FREM3: variants seen among roughly 807,000 people sequenced by gnomAD.
FREM3 encodes FRAS1 related extracellular matrix 3.
FREM3 carries 105 observed loss-of-function variants against 129.1 expected under a neutral mutation model. The observed-to-expected ratio is 0.81, with a 90% CI of 0.69 to 0.96. The LOEUF is 0.96. FREM3 is among the 40% of genes least tolerant of loss of function. The pLI is 0.00. For missense variants in FREM3, 2,593 were observed against 2,666.3 expected, an observed-to-expected ratio of 0.97 and a Z score of 0.61; for synonymous variants, 1,014 against 1,044.9, an observed-to-expected ratio of 0.97 and a Z score of 0.57.
At chr4:143,640,127 G>T (rs562454528) in intron 2 of FREM3, among the ~76,000 whole-genome samples, 37 of 152,242 alleles carry the variant, frequency 2.4e-4, no homozygotes, top group Admixed American at 8.5e-4. Flanking sequence ...GTTTGTCTCT[G>T]CTACCCTTGC....
chr4:143,655,186 T>C (rs553737563), intron 2 of FREM3, among the ~76,000 whole-genome samples: 3 of 152,214 alleles, frequency 2.0e-5, no homozygotes, highest in Admixed American at 2.0e-4. Context: ...CCTTAGGACT[T>C]TTTTCCCTAG....
At chr4:143,590,955 GT>G (rs1319837402) in intron 6 of FREM3, among the ~76,000 whole-genome samples, 11 of 152,100 alleles carry the variant, frequency 7.2e-5, no homozygotes. Flanking sequence ...CTTCTTCCTG[GT>G]TTAGTCTTGG....
rs767334803 is a variant in FREM3, at chr4:143,695,564, C to T, written c.5112G>A (p.Val1704=). 6 of 1,537,338 alleles carry T rather than the reference C, an allele frequency of 3.9e-6. No homozygotes were observed. The highest frequency in any genetic ancestry group is 5.2e-6 in the Non-Finnish European group (6 of 1,146,936). Residue 1704 remains valine (V), a synonymous_variant, in exon 1 of 8, where the codon GTG becomes GTA. Transcript: ENST00000329798. The stretch of plus-strand genomic sequence containing the variant: ...TGAAGCCATGCTCTGGTCCTCTGGT[C>T]ACTTTATACTTCAGAAGCCTGTGGG... ...DSPHRLLKYK[V]TRGPEHGFII...
chr4:143,595,885 C>T (rs1738471051), intron 6 of FREM3, among the ~76,000 whole-genome samples: 1 of 50,892 alleles, frequency 2.0e-5, no homozygotes, highest in Admixed American at 2.0e-4. Context: ...GAGACGCCAT[C>T]TCAGAAAAAA....
At chr4:143,690,025 A>C (rs2149861963) in intron 2 of FREM3, among the ~76,000 whole-genome samples, 1 of 152,058 alleles carries the variant, frequency 6.6e-6, no homozygotes, top group Non-Finnish European at 1.5e-5. Context: ...ATTAAAAAAA[A>C]AAAAAAAAAA....
chr4:143,627,593 A>G (rs1739063273), intron 3 of FREM3, 21 bp downstream of exon 3: 1 of 1,529,644 alleles, frequency 6.5e-7, no homozygotes, highest in Non-Finnish European at 8.8e-7. Flanking sequence ...TTTTACCAAC[A>G]ACCAATCCAA....
chr4:143,596,297 C>A (rs1738483080), intron 6 of FREM3, among the ~76,000 whole-genome samples: 1 of 152,100 alleles, frequency 6.6e-6, no homozygotes, highest in Non-Finnish European at 1.5e-5. Flanking sequence ...ATTAGTGCAA[C>A]CCATTAGAAA....
intron 5 of FREM3, among the ~76,000 whole-genome samples, chr4:143,613,150 A>C (rs1487624329): frequency 6.6e-6 from 1 of 152,256 alleles, no homozygotes; most frequent in African/African-American, 2.4e-5. Context: ...TGAAAGAACA[A>C]AAATTTTAGA....
chr4:143,695,788 T>C lies in FREM3; in HGVS notation c.4888A>G (p.Thr1630Ala). Residue 1630 changes from threonine to alanine, a missense_variant, in exon 1 of 8, where the codon ACT becomes GCT. Physicochemically the swap from Thr to Ala is moderately conservative, Grantham distance 58. Transcript: ENST00000329798. ...FSLTVTDGTH[T>A]DFYVLPDTAL... ...GTGTCTGGTAGGACATAGAAATCAG[T>C]GTGAGTGCCGTCTGTCACAGTCAAG... 2 of 1,537,300 alleles carry C rather than the reference T, an allele frequency of 1.3e-6. No homozygotes were observed. The highest frequency in any genetic ancestry group is 1.7e-6 in the Non-Finnish European group (2 of 1,146,922).
Position 143,697,144 on chromosome 4 carries a change from G to A in FREM3, c.3532C>T (p.Pro1178Ser), listed in dbSNP as rs1740587621. 1 of 1,537,748 alleles carries A rather than the reference G, an allele frequency of 6.5e-7. No homozygotes were observed. The highest frequency in any genetic ancestry group is 1.4e-5 in the African/African-American group (1 of 73,020). ...ATGATTATAGGGAAGAAGACATTTG[G>A]GGAGAAGTTGATGCCATCAGAGCAA... is the stretch of plus-strand genomic sequence containing the variant. ...FYCSDGINFS[P>S]NVFFPIIILP... Residue 1178 changes from proline to serine, a missense_variant, in exon 1 of 8, where the codon CCA becomes TCA. Coordinates refer to ENST00000329798, the MANE Select transcript of FREM3 (RefSeq NM_001168235.2).
rs886204292 is a variant in FREM3 at position 143,663,732 on chromosome 4, T to G, written c.5275+29381A>C. 4.6e-5 allele frequency among the ~76,000 whole-genome samples: 7 copies of G among 152,176 alleles called. No individual in the cohort carries two copies. The South Asian group carries it at 1.2e-3, about 27-fold the overall frequency. ...CACTTTCAGGTACACCAATCAGATG[T>G]AGATTTGGTCTTTTCACATAGTCCC... On this transcript the variant is annotated intron_variant, in intron 2 of 7. Coordinates refer to ENST00000329798, the MANE Select transcript of FREM3 (RefSeq NM_001168235.2).
intron 6 of FREM3, among the ~76,000 whole-genome samples, chr4:143,609,713 T>C (rs1738723817): frequency 6.6e-6 from 1 of 152,200 alleles, no homozygotes; most frequent in Admixed American, 6.5e-5. Context: ...TCTTTCAGAG[T>C]GTCCTCATTT....
chr4:143,623,906 A>C (rs1430494929), intron 4 of FREM3, among the ~76,000 whole-genome samples: 2 of 152,178 alleles, frequency 1.3e-5, no homozygotes, highest in Admixed American at 6.5e-5. Flanking sequence ...GATCCTCTCT[A>C]TTTTAATCGT....
intron 2 of FREM3, among the ~76,000 whole-genome samples, chr4:143,647,378 A>G (rs951106307): frequency 1.3e-5 from 2 of 152,248 alleles, no homozygotes; most frequent in African/African-American, 4.8e-5. Context: ...ATAAATTTGC[A>G]TAAGTAATGA....
intron 6 of FREM3, among the ~76,000 whole-genome samples, chr4:143,609,141 CAGAG>C (rs1738714208): frequency 6.6e-6 from 1 of 152,166 alleles, no homozygotes; most frequent in Non-Finnish European, 1.5e-5. Context: ...CAAGGTTACC[CAGAG>C]AGAGTGTGTC....
rs113360367 is a variant in FREM3, at chr4:143,599,729, G to A, written c.6028+11550C>T. 6.2e-3 allele frequency among the ~76,000 whole-genome samples: 938 copies of A among 152,266 alleles called. 14 individuals are homozygous for A. Among genetic ancestry groups the A allele is most frequent in the African/African-American group, 0.022 (902 of 41,550 alleles). On this transcript the variant is annotated intron_variant, in intron 6 of 7. Coordinates refer to ENST00000329798, the MANE Select transcript of FREM3 (RefSeq NM_001168235.2). The stretch of plus-strand genomic sequence containing the variant: ...GAACAAAAGAATGGGGAAATCCAGA[G>A]CAGGAAAAATAGAGGATGAGGGAAA...
chr4:143,601,804 A>G (rs1049128066), intron 6 of FREM3: 2 of 152,108 alleles, frequency 1.3e-5, no homozygotes, highest in Non-Finnish European at 2.9e-5. Context: ...GGTTGCTCCT[A>G]TACTTTTTCT....
chr4:143,585,242 G>A lies in FREM3; in HGVS notation c.6178+602C>T, dbSNP rs1738218045. Among the ~76,000 whole-genome samples the A allele has an allele frequency of 6.6e-6, 1 of 152,126 alleles. No individual in the cohort carries two copies. Among genetic ancestry groups the A allele is most frequent in the South Asian group, 2.1e-4 (1 of 4,824 alleles). Reference sequence around the variant, plus strand: ...TCACAACTGCAAATGAGAAAATGTGGGCATCAATGTACATGGAAATGTCCT... The same window carrying A: ...TCACAACTGCAAATGAGAAAATGTGAGCATCAATGTACATGGAAATGTCCT... On this transcript the variant is annotated intron_variant, in intron 7 of 7. Transcript: ENST00000329798. This position sits in a 1 kb window ranked among gnomAD's most constrained non-coding sequence, Gnocchi z 4.2.
At chr4:143,602,051 T>G (rs1367970714) in intron 6 of FREM3, 1 of 152,202 alleles carries the variant, frequency 6.6e-6, no homozygotes, top group Admixed American at 6.5e-5. Flanking sequence ...AAAACATGCT[T>G]TCGTTACAAG....
Sources: gnomAD v4.1 joint callset for allele counts (sites outside exome capture counted in the v4.1 genomes callset) on GRCh38, gnomAD v4.1.1 for gene constraint, Gnocchi (gnomAD v3.1) non-coding constraint, MANE v1.5 for transcripts, NCBI Gene and HGNC (gene_info 2026-07-23, HGNC 2026-07-21) for gene names.